NLRP5: variants seen among roughly 807,000 people sequenced by gnomAD.
The protein encoded by NLRP5 is NLR family pyrin domain containing 5.
NLRP5 carries 93 observed loss-of-function variants against 113.1 expected under a neutral mutation model. The ratio of observed to expected loss-of-function variants is 0.82; its 90% CI spans 0.70 to 0.98. NLRP5 has a LOEUF of 0.98. NLRP5 is among the 50% of genes least tolerant of loss of function. The pLI is 0.00. For missense variants in NLRP5, 1,808 were observed against 1,514.3 expected (o/e 1.19, Z -3.22); for synonymous variants, 751 against 600.7 (o/e 1.25, Z -3.66).
intron 12 of NLRP5, among the ~76,000 whole-genome samples, chr19:56,052,728 C>A (rs1329527043): frequency 6.6e-6 from 1 of 152,208 alleles, no homozygotes; most frequent in Non-Finnish European, 1.5e-5. Flanking sequence ...ATTTATGGGG[C>A]CACCCACCCC....
rs1983204447 is a variant in NLRP5, at chr19:56,033,602, C to T, written c.2508C>T (p.Asn836=). The T allele has an allele frequency of 6.2e-7, 1 of 1,613,668 alleles. No homozygotes were observed. The highest frequency in any genetic ancestry group is 8.5e-7 in the Non-Finnish European group (1 of 1,179,672). ...ACCTCTGGAGAATCGTCATGGCCAACCGTAACCTAAGATCCCTCAACTTGG... is the reference window on the plus strand; with the variant it reads ...ACCTCTGGAGAATCGTCATGGCCAATCGTAACCTAAGATCCCTCAACTTGG... The change falls in exon 9 of 15, where the codon AAC becomes AAT. Residue 836 remains asparagine, a synonymous_variant. Transcript: ENST00000390649.
chr19:56,015,011 TAAC>T, intron 3 of NLRP5, among the ~76,000 whole-genome samples: 1 of 152,210 alleles, frequency 6.6e-6, no homozygotes. Context: ...TATGACACAG[TAAC>T]AACATTAAGT....
At chr19:56,017,902 G>A (rs1038704793) in intron 4 of NLRP5, among the ~76,000 whole-genome samples, 1 of 152,074 alleles carries the variant, frequency 6.6e-6, no homozygotes, top group Admixed American at 6.6e-5. Context: ...CAACCTCCAC[G>A]TCCCAGGTTT....
At chr19:55,993,197 G>A in the NLRP5 span, among the ~76,000 whole-genome samples, 1 of 151,452 alleles carries the variant, frequency 6.6e-6, no homozygotes, top group Non-Finnish European at 1.5e-5. Flanking sequence ...TCAAATCAGG[G>A]GACTTAGCAT....
At chr19:56,050,371 TG>T (rs1226723053) in intron 11 of NLRP5, 46 bp from the exon 12 acceptor site, 2 of 1,579,154 alleles carry the variant, frequency 1.3e-6, no homozygotes, top group South Asian at 2.3e-5. Flanking sequence ...GAGGCCATGC[TG>T]GGGAATGAGC....
At chr19:55,986,961 G>C in the NLRP5 span, among the ~76,000 whole-genome samples, 5 of 152,302 alleles carry the variant, frequency 3.3e-5, no homozygotes, top group African/African-American at 1.2e-4. Context: ...AGGATTCCTT[G>C]AAAGAACAAA....
intron 9 of NLRP5, among the ~76,000 whole-genome samples, chr19:56,036,002 T>C (rs1983296114): frequency 6.6e-6 from 1 of 151,806 alleles, no homozygotes; most frequent in African/African-American, 2.4e-5. Context: ...GATGCTTGAT[T>C]TTGCATGTAG....
chr19:55,993,068 T>C, the NLRP5 span, among the ~76,000 whole-genome samples: 2 of 151,782 alleles, frequency 1.3e-5, no homozygotes, highest in Non-Finnish European at 2.9e-5. Flanking sequence ...AGGCTGGTCT[T>C]GAACTCCCGA....
chr19:56,030,714 C>CTTCTTCTTTT (rs1555767859), intron 7 of NLRP5, among the ~76,000 whole-genome samples: 2 of 71,348 alleles, frequency 2.8e-5, no homozygotes, highest in Non-Finnish European at 4.6e-5. Flanking sequence ...CTTTCTTCTT[C>CTTCTTCTTTT]TTTTTTTTTT....
intron 9 of NLRP5, among the ~76,000 whole-genome samples, chr19:56,037,259 C>T (rs1983351185): frequency 1.3e-5 from 2 of 152,154 alleles, no homozygotes; most frequent in Admixed American, 1.3e-4. Context: ...TCAGCAAATG[C>T]TCGAGTGCCC....
chr19:56,005,114 A>T (rs1317666918), intron 2 of NLRP5, among the ~76,000 whole-genome samples: 1 of 142,990 alleles, frequency 7.0e-6, no homozygotes, highest in Non-Finnish European at 1.5e-5. Context: ...AAAAATATAT[A>T]TATATATATA....
At chr19:56,058,645 G>C (rs1984246079) in intron 14 of NLRP5, among the ~76,000 whole-genome samples, 1 of 152,192 alleles carries the variant, frequency 6.6e-6, no homozygotes, top group Non-Finnish European at 1.5e-5. Context: ...GGTAGGTTGG[G>C]AAGGGCACAG....
rs71183002 is a variant in NLRP5 at position 56,013,596 on chromosome 19, G to GTTTTTTTTTTTT, written c.509-2136_509-2125dup. ...CATTTATCACATGATGGACATTTGG[G>GTTTTTTTTTTTT]TTTTTTTTTTTTTTTTTTTTTGCTA... On this transcript the variant is annotated intron_variant, in intron 3 of 14. Transcript: ENST00000390649. Among the ~76,000 whole-genome samples the GTTTTTTTTTTTT allele has an allele frequency of 2.4e-3, 144 of 59,262 alleles. 21 individuals carry two copies. The highest frequency in any genetic ancestry group is 0.015 in the Middle Eastern group (1 of 68). 38.9% of individuals were successfully genotyped at this position (59,262 alleles called of 152,430 possible).
At chr19:56,010,593 G>A (rs1599881111) in intron 3 of NLRP5, among the ~76,000 whole-genome samples, 1 of 147,418 alleles carries the variant, frequency 6.8e-6, no homozygotes. Flanking sequence ...AAAAATACAG[G>A]AAAAAAAAAA....
Position 56,008,797 on chromosome 19 carries a change from C to T in NLRP5, c.452C>T (p.Pro151Leu), listed in dbSNP as rs1158241293. 2 of 1,610,324 alleles carry T rather than the reference C, an allele frequency of 1.2e-6. No homozygotes were observed. Among genetic ancestry groups the T allele is most frequent in the Middle Eastern group, 1.6e-4 (1 of 6,062 alleles). Residue 151 changes from proline (P) to leucine (L), a missense_variant, in exon 3 of 15, where the codon CCA becomes CTA. Coordinates refer to ENST00000390649, the MANE Select transcript of NLRP5 (RefSeq NM_153447.4). Reference sequence around the variant, plus strand: ...TTTCTTTGTCTTCCAGGACATTCACCAGAAGATCCTGAAGCAACGATGACT... The same window carrying T: ...TTTCTTTGTCTTCCAGGACATTCACTAGAAGATCCTGAAGCAACGATGACT...
At chr19:55,993,289 AC>A in the NLRP5 span, among the ~76,000 whole-genome samples, 1 of 150,432 alleles carries the variant, frequency 6.6e-6, no homozygotes, top group African/African-American at 2.5e-5. Flanking sequence ...GTTATAGTTC[AC>A]CATATTCACC....
chr19:56,026,964 C>T lies in NLRP5; in HGVS notation c.731C>T (p.Ala244Val). Residue 244 changes from alanine (A) to valine (V), a missense_variant, in exon 7 of 15, where the codon GCT becomes GTT. Ala to Val is a moderately conservative substitution (Grantham distance 64). Coordinates refer to ENST00000390649, the MANE Select transcript of NLRP5 (RefSeq NM_153447.4). ...AAGAGTCACGTGATGACCAAATTCG[C>T]TGAGGAGGAGGATGTACGTCGTAGT... 2 of 1,551,714 alleles carry T rather than the reference C, an allele frequency of 1.3e-6. No homozygotes were observed. Among genetic ancestry groups the T allele is most frequent in the East Asian group, 2.4e-5 (1 of 40,920 alleles).
chr19:56,004,584 A>G (rs1981783543), intron 2 of NLRP5, among the ~76,000 whole-genome samples: 1 of 152,128 alleles, frequency 6.6e-6, no homozygotes, highest in Non-Finnish European at 1.5e-5. Context: ...CCGTGGGATG[A>G]AGGACTGAGG....
At chr19:56,001,159 C>CTT (rs34070550) in intron 1 of NLRP5, among the ~76,000 whole-genome samples, 12 of 142,084 alleles carry the variant, frequency 8.4e-5, no homozygotes, top group East Asian at 2.1e-4. Context: ...CTTGTCTCTA[C>CTT]TTTTTTTTTT....
Sources: allele counts gnomAD v4.1 joint callset (sites outside exome capture counted in the v4.1 genomes callset), GRCh38; gene constraint gnomAD v4.1.1; transcripts MANE v1.5; gene names NCBI Gene and HGNC (gene_info 2026-07-23, HGNC 2026-07-21).